The following LUZP1 variants were observed in gnomAD, a reference collection of about 807,000 sequenced individuals.
LUZP1 encodes the protein leucine zipper protein 1, also known as filamin mechanobinding actin cross-linking protein.
Under a neutral mutation model 71.3 loss-of-function variants are expected in LUZP1, and 25 were observed. That is an observed-to-expected ratio of 0.35 (90% CI 0.26 to 0.49). The LOEUF (loss-of-function observed/expected upper bound fraction) is 0.49. LUZP1 is among the 20% of genes least tolerant of loss of function. The probability of loss-of-function intolerance (pLI) is 0.99; values close to 1 mark genes in which losing one functional copy is unlikely to be tolerated. For synonymous variants in LUZP1, 481 were observed against 506.4 expected, an observed-to-expected ratio of 0.95 and a Z score of 0.67; for missense variants, 1,142 against 1,300.8, an observed-to-expected ratio of 0.88 and a Z score of 1.88.
chr1:23,107,831 G>A (rs1643996146), intron 3 of LUZP1, among the ~76,000 whole-genome samples: 2 of 152,134 alleles, frequency 1.3e-5, no homozygotes, highest in Admixed American at 6.5e-5. Context: ...AAAATACAGG[G>A]CAAGAGTTTG....
chr1:23,159,474 T>C (rs1024952559), intron 2 of LUZP1, among the ~76,000 whole-genome samples: 3 of 152,234 alleles, frequency 2.0e-5, no homozygotes. Flanking sequence ...CTTGTGACAC[T>C]GGATATCTAG....
chr1:23,163,076 C>A (rs1398451944), intron 2 of LUZP1, among the ~76,000 whole-genome samples: 1 of 151,722 alleles, frequency 6.6e-6, no homozygotes, highest in African/African-American at 2.4e-5. Context: ...CCTGTCTCTA[C>A]TAAAAATACA....
chr1:23,131,143 C>T (rs1313037640), intron 2 of LUZP1, among the ~76,000 whole-genome samples: 5 of 143,212 alleles, frequency 3.5e-5, no homozygotes, highest in African/African-American at 7.8e-5. Flanking sequence ...CGCTTGAACC[C>T]GGGAGATGGA....
At chr1:23,100,627 A>G (rs1643924550) in intron 3 of LUZP1, among the ~76,000 whole-genome samples, 1 of 152,236 alleles carries the variant, frequency 6.6e-6, no homozygotes, top group South Asian at 2.1e-4. Flanking sequence ...CAGAGCCAGA[A>G]GGTAGCTAAA....
intron 4 of LUZP1, chr1:23,090,968 G>A (rs1643842931): frequency 2.8e-6 from 2 of 718,858 alleles, no homozygotes; most frequent in Admixed American, 2.0e-5. Context: ...GCAAAATGAA[G>A]ACAACAAATT....
At chr1:23,137,181 GA>G (rs1644261332) in intron 2 of LUZP1, among the ~76,000 whole-genome samples, 1 of 152,142 alleles carries the variant, frequency 6.6e-6, no homozygotes. Flanking sequence ...CGAGTATCCA[GA>G]ATATACAGAG....
intron 2 of LUZP1, among the ~76,000 whole-genome samples, chr1:23,153,540 C>T (rs889099181): frequency 6.6e-6 from 1 of 151,754 alleles, no homozygotes; most frequent in Non-Finnish European, 1.5e-5. Flanking sequence ...AACAACAGAC[C>T]TCCTAGGGCA....
chr1:23,139,892 G>A (rs1218474436), intron 2 of LUZP1, among the ~76,000 whole-genome samples: 1 of 151,634 alleles, frequency 6.6e-6, no homozygotes. Flanking sequence ...TGAGACTGCT[G>A]TAAGCTGTGC....
Position 23,136,362 on chromosome 1 carries a change from G to C in LUZP1, c.-225-27235C>G, listed in dbSNP as rs139832833. 4.0e-3 allele frequency among the ~76,000 whole-genome samples: 579 copies of C among 145,722 alleles called. 4 individuals carry two copies. The highest frequency in any genetic ancestry group is 0.014 in the African/African-American group (529 of 38,926). On this transcript the variant is annotated intron_variant, in intron 2 of 4. Transcript: ENST00000302291. ...CACACAGAGGGTCCTTCATTAAAGA[G>C]GAAAAAACAAAAACAATTTTCCAAC...
exon 4 of LUZP1, chr1:23,092,925 T>C: frequency 6.2e-7 from 1 of 1,613,912 alleles, no homozygotes; most frequent in African/African-American, 1.3e-5. Context: ...CTTTGTCTCC[T>C]GAGTCCCACT....
At chr1:23,153,921 C>G (rs1644402148) in intron 2 of LUZP1, among the ~76,000 whole-genome samples, 1 of 152,012 alleles carries the variant, frequency 6.6e-6, no homozygotes, top group African/African-American at 2.4e-5. Flanking sequence ...CACACACACA[C>G]ACAACCCAAA....
intron 3 of LUZP1, among the ~76,000 whole-genome samples, chr1:23,108,469 G>A (rs1349035006): frequency 1.3e-5 from 2 of 152,114 alleles, no homozygotes; most frequent in South Asian, 2.1e-4. Flanking sequence ...GCATGGTGGT[G>A]CACACCTGTA....
intron 3 of LUZP1, among the ~76,000 whole-genome samples, chr1:23,098,545 A>G (rs1399903895): frequency 6.6e-6 from 1 of 152,204 alleles, no homozygotes. Context: ...CCAGCATGTA[A>G]GCGCCATAAA....
intron 2 of LUZP1, among the ~76,000 whole-genome samples, chr1:23,142,700 TACAC>T (rs60316911): frequency 0.068 from 7,090 of 103,764 alleles, 248 homozygotes; most frequent in East Asian, 0.18. Context: ...TATATATATA[TACAC>T]ACACACACAC....
At chr1:23,154,450 G>GGACT (rs1447842577) in intron 2 of LUZP1, among the ~76,000 whole-genome samples, 1 of 151,998 alleles carries the variant, frequency 6.6e-6, no homozygotes, top group African/African-American at 2.4e-5. Flanking sequence ...TGAGGTGGAA[G>GGACT]GACTGCTTGA....
intron 1 of LUZP1, among the ~76,000 whole-genome samples, chr1:23,171,555 G>T (rs1363834049): frequency 6.6e-6 from 1 of 152,244 alleles, no homozygotes; most frequent in Non-Finnish European, 1.5e-5. Flanking sequence ...CTGCAATGAG[G>T]CACTGGGCAT....
At chr1:23,119,604 A>G (rs555924386) in intron 2 of LUZP1, among the ~76,000 whole-genome samples, 1 of 152,276 alleles carries the variant, frequency 6.6e-6, no homozygotes, top group East Asian at 1.9e-4. Context: ...GTTTATCTCT[A>G]GTATAGCACT....
exon 5 of LUZP1, chr1:23,089,016 C>A: frequency 6.2e-7 from 1 of 1,614,150 alleles, no homozygotes; most frequent in Non-Finnish European, 8.5e-7. Context: ...GTGCAGTTGC[C>A]TGTAGACACT....
chr1:23,167,124 T>C (rs1391769086), intron 2 of LUZP1, among the ~76,000 whole-genome samples: 1 of 152,112 alleles, frequency 6.6e-6, no homozygotes, highest in Admixed American at 6.5e-5. Flanking sequence ...TAATTCAATT[T>C]AACCACATGA....
Sources: allele counts gnomAD v4.1 joint callset (sites outside exome capture counted in the v4.1 genomes callset), GRCh38; gene constraint gnomAD v4.1.1; transcripts MANE v1.5; gene names NCBI Gene and HGNC (gene_info 2026-07-23, HGNC 2026-07-21).